The following WNT3 variants were observed in gnomAD, a reference collection of about 807,000 sequenced individuals.
WNT3 encodes Wnt family member 3, also known as proto-oncogene Wnt-3.
A neutral mutation model predicts 34.2 loss-of-function variants in WNT3; 7 were observed. The observed-to-expected ratio is 0.20, with a 90% CI of 0.12 to 0.38. The LOEUF (loss-of-function observed/expected upper bound fraction) is 0.38. Among genes scored for constraint, WNT3 ranks in the 10% least tolerant of loss-of-function variants. WNT3 has a pLI of 1.00. For missense variants in WNT3, 267 were observed against 499.8 expected (o/e 0.53, Z 4.44); for synonymous variants, 212 against 211.5 (o/e 1.00, Z -0.02).
chr17:46,811,078 C>G (rs1201417463), intron 1 of WNT3, among the ~76,000 whole-genome samples: 2 of 152,160 alleles, frequency 1.3e-5, no homozygotes, highest in Admixed American at 1.3e-4. Flanking sequence ...TGTCCCCATC[C>G]TGACCCCTGC....
chr17:46,794,730 TTTTC>T (rs1168009957), intron 1 of WNT3, among the ~76,000 whole-genome samples: 21 of 150,378 alleles, frequency 1.4e-4, no homozygotes, highest in African/African-American at 4.2e-4. Flanking sequence ...CAGGACTTTC[TTTTC>T]TTTCTTTCTT....
intron 1 of WNT3, among the ~76,000 whole-genome samples, chr17:46,800,846 C>A (rs964351846): frequency 1.3e-5 from 2 of 152,076 alleles, no homozygotes; most frequent in African/African-American, 2.4e-5. Flanking sequence ...GCTGGGGCCG[C>A]GGTGCTGAGG....
chr17:46,811,122 A>AAGGGAAATGCTGATGT lies in WNT3; in HGVS notation c.80+7395_80+7396insACATCAGCATTTCCCT, dbSNP rs1555688516. Among the ~76,000 whole-genome samples, 128 of 145,478 alleles carry AAGGGAAATGCTGATGT rather than the reference A, an allele frequency of 8.8e-4. 7 individuals carry two copies. The highest frequency in any genetic ancestry group is 7.1e-3 in the Middle Eastern group (2 of 280). The stretch of plus-strand genomic sequence containing the variant: ...CCCGGCTGTACAGGCCAGGCTGCAA[A>AAGGGAAATGCTGATGT]CAGATAAATCGACACTACTGGCTTC... On this transcript the variant is annotated intron_variant, in intron 1 of 4. Transcript: ENST00000225512.
At chr17:46,766,854 T>C (rs2059318004) in intron 4 of WNT3, among the ~76,000 whole-genome samples, 2 of 152,242 alleles carry the variant, frequency 1.3e-5, no homozygotes, top group South Asian at 2.1e-4. Flanking sequence ...CAGACAACAA[T>C]GACCCAGCAG....
intron 1 of WNT3, among the ~76,000 whole-genome samples, chr17:46,816,119 A>ACGCACG (rs1555689258): frequency 2.7e-5 from 4 of 150,552 alleles, no homozygotes; most frequent in Non-Finnish European, 5.9e-5. Flanking sequence ...ACGTACACAC[A>ACGCACG]CACACACACA....
chr17:46,801,119 G>A (rs1237776213), intron 1 of WNT3, among the ~76,000 whole-genome samples: 1 of 152,180 alleles, frequency 6.6e-6, no homozygotes, highest in East Asian at 1.9e-4. Flanking sequence ...ATTTTGCAGA[G>A]AGAAAACCAA....
chr17:46,803,408 C>T (rs1213193432), intron 1 of WNT3, among the ~76,000 whole-genome samples: 1 of 152,164 alleles, frequency 6.6e-6, no homozygotes, highest in Non-Finnish European at 1.5e-5. Context: ...GCGGTGCACA[C>T]CTATGATCCC....
chr17:46,773,833 G>C lies in WNT3; in HGVS notation c.157C>G (p.Pro53Ala). The C allele has an allele frequency of 6.2e-7, 1 of 1,613,372 alleles. No individual in the cohort carries two copies. ...TTGCGGCAGAAGCGCAGTTGCTTGG[G>C]GACCAGGCCTGGGATGGAGCCGCAG... ...LLCGSIPGLV[P>A]KQLRFCRNYI... The change falls in exon 2 of 5, where the codon CCC (proline) becomes GCC (alanine). Residue 53 changes from proline to alanine, a missense_variant. By Grantham distance (27) the Pro-to-Ala change is conservative (BLOSUM62 -1). Transcript: ENST00000225512.
intron 1 of WNT3, among the ~76,000 whole-genome samples, chr17:46,789,359 A>G (rs968039878): frequency 6.6e-6 from 1 of 152,130 alleles, no homozygotes; most frequent in African/African-American, 2.4e-5. Context: ...GCTATACACT[A>G]CGGCAGATCA....
At chr17:46,816,119 A>ACACACG (rs11281201) in intron 1 of WNT3, among the ~76,000 whole-genome samples, 1 of 150,552 alleles carries the variant, frequency 6.6e-6, no homozygotes, top group Non-Finnish European at 1.5e-5. Context: ...ACGTACACAC[A>ACACACG]CACACACACA....
chr17:46,771,983 A>T (rs2059378159), intron 2 of WNT3, among the ~76,000 whole-genome samples: 1 of 149,410 alleles, frequency 6.7e-6, no homozygotes, highest in South Asian at 2.1e-4. Context: ...CCGCCCCCAG[A>T]CTCGCGGAAG....
At chr17:46,806,237 G>C (rs1598794246) in intron 1 of WNT3, among the ~76,000 whole-genome samples, 1 of 54,658 alleles carries the variant, frequency 1.8e-5, no homozygotes, top group South Asian at 5.6e-4. Context: ...TTGAGACAGA[G>C]TTTCGCTTTT....
chr17:46,789,205 G>A (rs184627809), intron 1 of WNT3, among the ~76,000 whole-genome samples: 2 of 152,264 alleles, frequency 1.3e-5, no homozygotes, highest in East Asian at 1.9e-4. Flanking sequence ...GGGCCCAGAG[G>A]CCACCCTCCC....
In WNT3 at chr17:46,769,846, C is replaced by T; in HGVS notation, c.525G>A (p.Ala175=). 6.2e-7 allele frequency: 1 copy of T among 1,613,428 alleles called. No homozygotes were observed. Among genetic ancestry groups the T allele is most frequent in the Non-Finnish European group, 8.5e-7 (1 of 1,179,900 alleles). The part of the protein sequence containing the change: ...GVLVSREFAD[A]RENRPDARSA... Reference sequence around the variant, plus strand: ...AGCGCGCGTCCGGCCTGTTCTCGCGCGCATCCGCGAACTCCCTGGACACTA... The same window carrying T: ...AGCGCGCGTCCGGCCTGTTCTCGCGTGCATCCGCGAACTCCCTGGACACTA... The change falls in exon 3 of 5, where the codon GCG becomes GCA. Residue 175 remains alanine (A), a synonymous_variant. Transcript: ENST00000225512.
chr17:46,810,836 G>A (rs2084264635), intron 1 of WNT3, among the ~76,000 whole-genome samples: 1 of 152,118 alleles, frequency 6.6e-6, no homozygotes, highest in Non-Finnish European at 1.5e-5. Flanking sequence ...GAACAGTTCA[G>A]GAAGTTGCCT....
At chr17:46,783,107 C>T (rs935349370) in intron 1 of WNT3, among the ~76,000 whole-genome samples, 1 of 152,296 alleles carries the variant, frequency 6.6e-6, no homozygotes, top group Non-Finnish European at 1.5e-5. Context: ...CCCTCTGGCT[C>T]GCCTGCATCT....
intron 1 of WNT3, among the ~76,000 whole-genome samples, chr17:46,809,741 C>T (rs914818648): frequency 8.5e-5 from 13 of 152,198 alleles, no homozygotes; most frequent in Admixed American, 5.2e-4. Flanking sequence ...TAACCAAGCC[C>T]CATGCCCTGA....
At chr17:46,777,306 G>A (rs1194021674) in intron 1 of WNT3, among the ~76,000 whole-genome samples, 1 of 152,286 alleles carries the variant, frequency 6.6e-6, no homozygotes, top group African/African-American at 2.4e-5. Flanking sequence ...CAGGCCGGCT[G>A]GCTTGGGGGA....
intron 4 of WNT3, among the ~76,000 whole-genome samples, chr17:46,765,993 C>T (rs1045230461): frequency 9.2e-5 from 14 of 152,140 alleles, no homozygotes; most frequent in African/African-American, 9.7e-5. Context: ...GAAGGGGTTC[C>T]GGGTAGGAAC....
Sources: gnomAD v4.1 joint callset for allele counts (sites outside exome capture counted in the v4.1 genomes callset) on GRCh38, gnomAD v4.1.1 for gene constraint, MANE v1.5 for transcripts, NCBI Gene and HGNC (gene_info 2026-07-23, HGNC 2026-07-21) for gene names.